GFOD1: variants seen among roughly 807,000 people sequenced by gnomAD.
GFOD1 encodes Gfo/Idh/MocA-like oxidoreductase domain containing 1.
GFOD1 carries 9 observed loss-of-function variants against 25.4 expected under a neutral mutation model. The ratio of observed to expected loss-of-function variants is 0.35; its 90% confidence interval spans 0.21 to 0.62. The LOEUF is 0.62. Ranked by LOEUF, GFOD1 falls within the 20% of genes least tolerant of loss-of-function variation. The pLI, the probability that GFOD1 is intolerant of heterozygous loss-of-function variation, is 0.72. For missense variants in GFOD1, 403 were observed against 556.9 expected, an observed-to-expected ratio of 0.72 and a Z score of 2.78; for synonymous variants, 253 against 245.6, an observed-to-expected ratio of 1.03 and a Z score of -0.28.
chr6:13,379,921 C>G (rs147756457), intron 1 of GFOD1, among the ~76,000 whole-genome samples: 1 of 152,278 alleles, frequency 6.6e-6, no homozygotes, highest in Admixed American at 6.5e-5. Flanking sequence ...CTGGCATTTG[C>G]AAGCCATGTG....
At chr6:13,481,046 CCA>C (rs1294524933) in intron 1 of GFOD1, among the ~76,000 whole-genome samples, 2 of 152,098 alleles carry the variant, frequency 1.3e-5, no homozygotes, top group African/African-American at 4.8e-5. Flanking sequence ...CCCTGGTGAA[CCA>C]AGCAGACAAG....
At chr6:13,380,157 A>C (rs1785333989) in intron 1 of GFOD1, among the ~76,000 whole-genome samples, 1 of 152,246 alleles carries the variant, frequency 6.6e-6, no homozygotes, top group Admixed American at 6.5e-5. Flanking sequence ...AGTGCGTGGC[A>C]GCACAGGGGA....
At chr6:13,400,903 T>C (rs1294261983) in intron 1 of GFOD1, among the ~76,000 whole-genome samples, 1 of 152,186 alleles carries the variant, frequency 6.6e-6, no homozygotes, top group Non-Finnish European at 1.5e-5. Context: ...CACCATTCTT[T>C]ATCACTATTA....
intron 1 of GFOD1, among the ~76,000 whole-genome samples, chr6:13,388,300 A>C (rs1240302910): frequency 6.6e-6 from 1 of 152,218 alleles, no homozygotes; most frequent in Non-Finnish European, 1.5e-5. Context: ...GAGCCTGCAT[A>C]GCCAAGACAA....
chr6:13,417,985 A>T (rs1399869912), intron 1 of GFOD1, among the ~76,000 whole-genome samples: 3 of 152,216 alleles, frequency 2.0e-5, no homozygotes, highest in Non-Finnish European at 4.4e-5. Context: ...CAACAGTCCA[A>T]GTGAGAAAAC....
At position 13,364,401 on chromosome 6, in the gene GFOD1, G is replaced by C. The variant is rs1355664239; in HGVS notation, c.*342C>G. On this transcript the variant is annotated 3_prime_UTR_variant, in exon 2 of 2. Coordinates refer to ENST00000379287, the MANE Select transcript of GFOD1 (RefSeq NM_018988.4). This position sits in a 1 kb window ranked among gnomAD's most constrained non-coding sequence, Gnocchi z 4.1. ...GCTTGCAGAAGGCCAAGGTGTGTGG[G>C]ATGGATGAGGTAGGGAGGGAAGCAA... 12 of 282,314 alleles carry C rather than the reference G, an allele frequency of 4.3e-5. No homozygotes were observed. The highest frequency in any genetic ancestry group is 7.4e-5 in the Non-Finnish European group (11 of 147,784). 17.5% of individuals were successfully genotyped at this position (282,314 alleles called of 1,614,324 possible). A position where few individuals can be genotyped will look rare whatever the true frequency, so the allele number is the denominator to read the frequency against.
At position 13,470,176 on chromosome 6, in the gene GFOD1, C is replaced by T. The variant is rs757895699; in HGVS notation, c.253+16462G>A. ...TGATGTCCCACTGGCTTCCCCAGCA[C>T]CTGCGCGCGATGAACGCATCTATCT... On this transcript the variant is annotated intron_variant, in intron 1 of 1. Transcript: ENST00000379287. The T allele has an allele frequency of 2.6e-6, 4 of 1,552,836 alleles. No individual in the cohort carries two copies. The South Asian group carries it at 4.5e-5, about 17-fold the overall frequency.
At chr6:13,439,605 T>C (rs1246070389) in intron 1 of GFOD1, among the ~76,000 whole-genome samples, 1 of 152,206 alleles carries the variant, frequency 6.6e-6, no homozygotes, top group Non-Finnish European at 1.5e-5. Context: ...GCTGGGGATG[T>C]TGGTTGTCAT....
intron 1 of GFOD1, among the ~76,000 whole-genome samples, chr6:13,378,593 G>T (rs545842254): frequency 1.7e-4 from 26 of 152,302 alleles, no homozygotes; most frequent in African/African-American, 6.0e-4. Flanking sequence ...AGCCATTATA[G>T]TGCTGGGGTT....
At chr6:13,391,729 A>G (rs1464299349) in intron 1 of GFOD1, among the ~76,000 whole-genome samples, 2 of 152,182 alleles carry the variant, frequency 1.3e-5, no homozygotes, top group Non-Finnish European at 2.9e-5. Flanking sequence ...TATCTGGACA[A>G]GTAACTTAAT....
rs1784931761 is a variant in GFOD1, at chr6:13,360,609, T to C, written c.*4134A>G. On this transcript the variant is annotated 3_prime_UTR_variant, in exon 2 of 2. Transcript: ENST00000379287. ...GCATCACCTACAATCAAAATGAACA[T>C]AGGAAGTCAATTTTAAAAAAGGCTG... The C allele has an allele frequency of 2.3e-6, 1 of 434,718 alleles. No individual in the cohort carries two copies. The highest frequency in any genetic ancestry group is 2.0e-5 in the African/African-American group (1 of 49,634). The allele number at this position is 434,718 out of a possible 1,614,324, so 26.9% of individuals were successfully genotyped here. A position where few individuals can be genotyped will look rare whatever the true frequency, so the allele number is the denominator to read the frequency against.
rs1367058898 is a variant in GFOD1 at position 13,362,286 on chromosome 6, C to A, written c.*2457G>T. On this transcript the variant is annotated 3_prime_UTR_variant, in exon 2 of 2. Transcript: ENST00000379287. ...GACCATGCTGGCTAATACAGTGAAACCCCGTCTCTACTAAAAATACAAAAA... is the reference window on the plus strand; with the variant it reads ...GACCATGCTGGCTAATACAGTGAAAACCCGTCTCTACTAAAAATACAAAAA... 1 of 151,908 alleles carries A rather than the reference C, an allele frequency of 6.6e-6. No homozygotes were observed. The highest frequency in any genetic ancestry group is 1.5e-5 in the Non-Finnish European group (1 of 68,018). The allele number at this position is 151,908 out of a possible 1,614,324, so 9.4% of individuals were successfully genotyped here. A position where few individuals can be genotyped will look rare whatever the true frequency, so the allele number is the denominator to read the frequency against.
intron 1 of GFOD1, among the ~76,000 whole-genome samples, chr6:13,374,273 T>TTTTTGTG (rs1554199406): frequency 1.5e-5 from 2 of 134,388 alleles, no homozygotes; most frequent in African/African-American, 5.8e-5. Flanking sequence ...TGTTTTTTTT[T>TTTTTGTG]TGTGTGTGTG....
At chr6:13,428,249 C>T (rs1275155221) in intron 1 of GFOD1, among the ~76,000 whole-genome samples, 2 of 152,226 alleles carry the variant, frequency 1.3e-5, no homozygotes, top group Admixed American at 1.3e-4. Flanking sequence ...AGGCCAGTTC[C>T]TTTACGTGCC....
chr6:13,474,062 C>T (rs1479966176), intron 1 of GFOD1, among the ~76,000 whole-genome samples: 3 of 152,202 alleles, frequency 2.0e-5, no homozygotes, highest in African/African-American at 4.8e-5. Flanking sequence ...ACACACAAAA[C>T]GTTTTATGAG....
intron 1 of GFOD1, among the ~76,000 whole-genome samples, chr6:13,390,780 AAAGGAAGGAAGGAAGGAAGGAAGGAAGG>A (rs58707530): frequency 8.5e-6 from 1 of 117,904 alleles, no homozygotes; most frequent in South Asian, 3.2e-4. Flanking sequence ...AGAGAGAGAG[AAAGGAAGGAAGGAAGGAAGGAAGGAAGG>A]AAGGAAGGAA....
At chr6:13,423,942 T>C (rs1319642580) in intron 1 of GFOD1, among the ~76,000 whole-genome samples, 2 of 152,224 alleles carry the variant, frequency 1.3e-5, no homozygotes, top group East Asian at 1.9e-4. Flanking sequence ...CACCACAACC[T>C]CTGCCTCCTG....
intron 1 of GFOD1, among the ~76,000 whole-genome samples, chr6:13,413,132 C>T (rs973674776): frequency 3.9e-5 from 6 of 152,244 alleles, no homozygotes; most frequent in African/African-American, 1.4e-4. Flanking sequence ...TGAGGGGCCA[C>T]TCGTACCTGA....
At position 13,358,434 on chromosome 6, in the gene GFOD1, G is replaced by C. The variant is rs900373423; in HGVS notation, c.*6309C>G. ...AACACAACAACAACAATAAAAAGCAGATGAAGTACTATAAAAGCACCAGGC... is the reference window on the plus strand; with the variant it reads ...AACACAACAACAACAATAAAAAGCACATGAAGTACTATAAAAGCACCAGGC... On this transcript the variant is annotated 3_prime_UTR_variant, in exon 2 of 2. Transcript: ENST00000379287. 1 of 152,022 alleles carries C rather than the reference G, an allele frequency of 6.6e-6. No individual in the cohort carries two copies. The highest frequency in any genetic ancestry group is 2.4e-5 in the African/African-American group (1 of 41,376). The allele number at this position is 152,022 out of a possible 1,614,324, so 9.4% of individuals were successfully genotyped here.
Sources: allele counts gnomAD v4.1 joint callset (sites outside exome capture counted in the v4.1 genomes callset), GRCh38; gene constraint gnomAD v4.1.1; non-coding constraint Gnocchi (gnomAD v3.1); transcripts MANE v1.5; gene names NCBI Gene and HGNC (gene_info 2026-07-23, HGNC 2026-07-21).